Variants in GRIK1 observed in about 807,000 individuals in gnomAD.
GRIK1 encodes glutamate receptor ionotropic, kainate 1.
In GRIK1, 69 loss-of-function variants were observed where a neutral mutation model predicts 105.7. The observed-to-expected ratio is 0.65, with a 90% CI of 0.54 to 0.80. The LOEUF (loss-of-function observed/expected upper bound fraction) is 0.80, where lower values mean the gene tolerates loss of function less well. Ranked by LOEUF, GRIK1 falls within the 30% of genes least tolerant of loss-of-function variation. The pLI is 0.00. For synonymous variants in GRIK1, 438 were observed against 431.3 expected (o/e 1.02, Z -0.19); for missense variants, 1,109 against 1,167.3 (o/e 0.95, Z 0.73).
At chr21:29,782,247 T>C (rs944425440) in intron 1 of GRIK1, among the ~76,000 whole-genome samples, 52 of 150,566 alleles carry the variant, frequency 3.5e-4, no homozygotes, top group African/African-American at 7.8e-4. Context: ...CCACCAAGCC[T>C]GGCTAATTTT....
chr21:29,767,379 T>C (rs2065694043), intron 1 of GRIK1, among the ~76,000 whole-genome samples: 1 of 152,184 alleles, frequency 6.6e-6, no homozygotes, highest in African/African-American at 2.4e-5. Flanking sequence ...CTTTTGAACA[T>C]TTTCTATAAT....
chr21:29,698,034 T>C (rs758996980), intron 1 of GRIK1, among the ~76,000 whole-genome samples: 1 of 151,810 alleles, frequency 6.6e-6, no homozygotes, highest in Non-Finnish European at 1.5e-5. Flanking sequence ...TCTCCCTTTC[T>C]TTCTCTCTCT....
chr21:29,635,859 G>A (rs1191737610), intron 7 of GRIK1, among the ~76,000 whole-genome samples: 1 of 152,162 alleles, frequency 6.6e-6, no homozygotes, highest in African/African-American at 2.4e-5. Context: ...AGGAAACAGT[G>A]CAAGCTTCCA....
intron 1 of GRIK1, among the ~76,000 whole-genome samples, chr21:29,888,008 T>TA (rs909786671): frequency 6.6e-6 from 1 of 151,184 alleles, no homozygotes; most frequent in Admixed American, 6.6e-5. Context: ...TGAACTATGG[T>TA]AAAAACCAAC....
At chr21:29,540,069 C>T (rs1487333874) in intron 16 of GRIK1, among the ~76,000 whole-genome samples, 1 of 152,144 alleles carries the variant, frequency 6.6e-6, no homozygotes, top group Non-Finnish European at 1.5e-5. Flanking sequence ...ACATTGAAAT[C>T]GCCCAAATGA....
chr21:29,689,625 G>C (rs746716786), intron 3 of GRIK1, 103 bp downstream of exon 3: 1 of 941,880 alleles, frequency 1.1e-6, no homozygotes, highest in Admixed American at 1.9e-5. Flanking sequence ...ATATAAAAGA[G>C]CATTTTTATG....
chr21:29,767,560 T>C (rs970809969), intron 1 of GRIK1, among the ~76,000 whole-genome samples: 2 of 152,068 alleles, frequency 1.3e-5, no homozygotes, highest in Non-Finnish European at 2.9e-5. Flanking sequence ...ATAACATAAA[T>C]TTTTTAAAAC....
intron 3 of GRIK1, among the ~76,000 whole-genome samples, chr21:29,687,111 G>C (rs115362345): frequency 1.8e-4 from 27 of 152,310 alleles, no homozygotes; most frequent in African/African-American, 6.3e-4. Context: ...AATTCTGCTT[G>C]CTAGTATTTA....
chr21:29,560,368 C>CTTT (rs1568813696), intron 15 of GRIK1, among the ~76,000 whole-genome samples: 58 of 20,718 alleles, frequency 2.8e-3, no homozygotes, highest in East Asian at 7.7e-3. Flanking sequence ...TTTCTTTCTT[C>CTTT]CTTCCTTCCT....
chr21:29,615,119 G>A (rs2061818548), intron 7 of GRIK1, among the ~76,000 whole-genome samples: 2 of 151,534 alleles, frequency 1.3e-5, no homozygotes, highest in African/African-American at 4.9e-5. Flanking sequence ...CCTTTTGGAT[G>A]GAATGCATAG....
chr21:29,694,226 C>T (rs1296458828), intron 1 of GRIK1, among the ~76,000 whole-genome samples, 163 bp from the exon 2 acceptor site: 3 of 144,162 alleles, frequency 2.1e-5, no homozygotes, highest in South Asian at 2.2e-4. Flanking sequence ...TGGGTTCAAG[C>T]GATTCTCCTG....
At chr21:29,560,563 T>TCTTG (rs1338137822) in intron 15 of GRIK1, among the ~76,000 whole-genome samples, 1 of 128,544 alleles carries the variant, frequency 7.8e-6, no homozygotes, top group Non-Finnish European at 1.6e-5. Flanking sequence ...TTTCTTTCTT[T>TCTTG]CTTTCTTTCT....
intron 4 of GRIK1, among the ~76,000 whole-genome samples, chr21:29,664,686 T>C (rs569422974): frequency 1.3e-5 from 2 of 152,308 alleles, no homozygotes; most frequent in South Asian, 2.1e-4. Flanking sequence ...ATTACCCTTA[T>C]AGCAGAGAGG....
rs540626256 is a variant in GRIK1, at chr21:29,867,444, G to A, written c.118+71939C>T. ...ACAGAAACTCCTAGTGTGTACCTAA[G>A]TTACCCCTAGAAAAGTGAATCTGTA... On this transcript the variant is annotated intron_variant, in intron 1 of 17. Coordinates refer to ENST00000327783, the MANE Select transcript of GRIK1 (RefSeq NM_001330994.2). 2.9e-3 allele frequency among the ~76,000 whole-genome samples: 434 copies of A among 152,166 alleles called. 3 individuals carry two copies. The highest frequency in any genetic ancestry group is 9.5e-3 in the African/African-American group (395 of 41,528).
chr21:29,853,288 T>C (rs955595962), intron 1 of GRIK1, among the ~76,000 whole-genome samples: 2 of 152,242 alleles, frequency 1.3e-5, no homozygotes, highest in African/African-American at 4.8e-5. Context: ...CTCAGCACTA[T>C]TGACATTTTG....
In GRIK1 at chr21:29,831,206, A is replaced by T. The variant is rs148164441; in HGVS notation, c.118+108177T>A. ...ACCTTCATAAATAAGGAGTGAGAAA[A>T]GGCAGAAATGTTTGAGCAGCCCACT... On this transcript the variant is annotated intron_variant, in intron 1 of 17. Coordinates refer to ENST00000327783, the MANE Select transcript of GRIK1 (RefSeq NM_001330994.2). Among the ~76,000 whole-genome samples the T allele has an allele frequency of 4.4e-3, 663 of 152,274 alleles. 5 individuals are homozygous for T. The highest frequency in any genetic ancestry group is 0.015 in the African/African-American group (631 of 41,552).
rs561868731 is a variant in GRIK1 at position 29,671,628 on chromosome 21, C to T, written c.726+1355G>A. Among the ~76,000 whole-genome samples, 11 of 152,162 alleles carry T rather than the reference C, an allele frequency of 7.2e-5. No individual in the cohort carries two copies. In the East Asian group the frequency reaches 1.2e-3, roughly 16 times the overall value. On this transcript the variant is annotated intron_variant, in intron 4 of 17. Transcript: ENST00000327783. ...AAAATTCCACAGTTCTGCATTCCTG[C>T]GAAGGGGTTTATCTACTTATGAAAT... is the stretch of plus-strand genomic sequence containing the variant.
At chr21:29,725,020 A>C (rs976157915) in intron 1 of GRIK1, among the ~76,000 whole-genome samples, 1 of 151,806 alleles carries the variant, frequency 6.6e-6, no homozygotes, top group Admixed American at 6.6e-5. Flanking sequence ...AAAAAAAAAA[A>C]AAAAAAGAAA....
Position 29,577,154 on chromosome 21 carries a change from G to A in GRIK1, c.1940C>T (p.Ser647Leu). 4 of 1,608,528 alleles carry A rather than the reference G, an allele frequency of 2.5e-6. No individual in the cohort carries two copies. The highest frequency in any genetic ancestry group is 3.4e-6 in the Non-Finnish European group (4 of 1,174,874). The change falls in exon 14 of 18, where the codon TCG becomes TTG. Residue 647 changes from serine (S) to leucine (L), a missense_variant. Ser to Leu is a moderately radical substitution (Grantham distance 145, BLOSUM62 -2). This residue lies in a region of GRIK1 where 264 missense variants were observed against 306.9 expected (regional missense o/e 0.86). Coordinates refer to ENST00000327783, the MANE Select transcript of GRIK1 (RefSeq NM_001330994.2). ...CCATATCCCTCCAACTATTCTGGTCGATAGAGCTTTGGGCATCAGCTCTGA... is the reference window on the plus strand; with the variant it reads ...CCATATCCCTCCAACTATTCTGGTCAATAGAGCTTTGGGCATCAGCTCTGA... The part of the protein sequence containing the change: ...QGSELMPKAL[S>L]TRIVGGIWWF...
Sources: allele counts gnomAD v4.1 joint callset (sites outside exome capture counted in the v4.1 genomes callset), GRCh38; gene constraint gnomAD v4.1.1; regional missense constraint gnomAD v4.1.1; transcripts MANE v1.5; gene names NCBI Gene and HGNC (gene_info 2026-07-23, HGNC 2026-07-21).